DGKB: variants seen among roughly 807,000 people sequenced by gnomAD.
DGKB encodes the protein diacylglycerol kinase beta, also known as 90 kDa diacylglycerol kinase.
A neutral mutation model predicts 114.3 loss-of-function variants in DGKB; 67 were observed. The observed-to-expected ratio is 0.59, with a 90% CI of 0.48 to 0.72. The LOEUF is 0.72. Ranked by LOEUF, DGKB falls within the 30% of genes least tolerant of loss-of-function variation. The probability of loss-of-function intolerance (pLI) is 0.00; values close to 1 mark genes in which losing one functional copy is unlikely to be tolerated. For missense variants in DGKB, 907 were observed against 975.2 expected, an observed-to-expected ratio of 0.93 and a Z score of 0.93; for synonymous variants, 398 against 323.1, an observed-to-expected ratio of 1.23 and a Z score of -2.49.
intron 23 of DGKB, among the ~76,000 whole-genome samples, chr7:14,284,769 C>G (rs1032059247): frequency 6.7e-6 from 1 of 150,224 alleles, no homozygotes; most frequent in Non-Finnish European, 1.5e-5. Context: ...GAACAAAAAA[C>G]CAAACACTGC....
intron 21 of DGKB, among the ~76,000 whole-genome samples, chr7:14,418,641 A>C (rs754693684): frequency 2.4e-4 from 37 of 151,828 alleles, no homozygotes; most frequent in Non-Finnish European, 3.1e-4. Flanking sequence ...CATAAATAAC[A>C]AACAATCTTG....
At chr7:14,274,979 G>T (rs201007068) in intron 23 of DGKB, among the ~76,000 whole-genome samples, 1 of 151,636 alleles carries the variant, frequency 6.6e-6, no homozygotes, top group South Asian at 2.1e-4. Context: ...GTGTGTTTGT[G>T]TGTGCGTGTT....
intron 21 of DGKB, among the ~76,000 whole-genome samples, chr7:14,404,762 A>T (rs186446560): frequency 6.6e-6 from 1 of 151,704 alleles, no homozygotes; most frequent in East Asian, 1.9e-4. Flanking sequence ...CTGGGCCTTC[A>T]CCACTGTGTC....
intron 1 of DGKB, among the ~76,000 whole-genome samples, chr7:14,854,986 CAA>C (rs1301589464): frequency 6.6e-6 from 1 of 152,014 alleles, no homozygotes. Context: ...CAAGAGAACC[CAA>C]GAGACACCCT....
chr7:14,298,151 G>A (rs10262912), intron 23 of DGKB, among the ~76,000 whole-genome samples: 122,739 of 152,142 alleles, frequency 0.81, 49,768 homozygotes, highest in South Asian at 0.92. Context: ...TATGGATTCA[G>A]TGTGATTCCC....
rs533418901 is a variant in DGKB, at chr7:14,437,447, G to C, written c.1835+40714C>G. Among the ~76,000 whole-genome samples, 4 of 152,116 alleles carry C rather than the reference G, an allele frequency of 2.6e-5. No individual in the cohort carries two copies. The South Asian group carries it at 8.3e-4, about 32-fold the overall frequency. On this transcript the variant is annotated intron_variant, in intron 21 of 25. Coordinates refer to ENST00000402815, the MANE Select transcript of DGKB (RefSeq NM_001350709.2). The stretch of plus-strand genomic sequence containing the variant: ...AAAAATAAAGTTAAACACAAATTGA[G>C]GAGCAGTACTGACTGTGCGGAAAAT...
At chr7:14,851,562 T>C (rs1322959904) in intron 1 of DGKB, among the ~76,000 whole-genome samples, 1 of 152,174 alleles carries the variant, frequency 6.6e-6, no homozygotes, top group Non-Finnish European at 1.5e-5. Context: ...TCATCTCACA[T>C]GGTCTTCAGG....
intron 21 of DGKB, among the ~76,000 whole-genome samples, chr7:14,393,120 G>A (rs1269775302): frequency 6.6e-6 from 1 of 151,532 alleles, no homozygotes; most frequent in Non-Finnish European, 1.5e-5. Context: ...CTCCCGCGTA[G>A]CTGGGACTAC....
chr7:14,365,899 T>C (rs1312824438), intron 21 of DGKB, among the ~76,000 whole-genome samples: 1 of 152,146 alleles, frequency 6.6e-6, no homozygotes, highest in Admixed American at 6.6e-5. Context: ...TAATTTTCTG[T>C]GGATCACAGA....
At chr7:14,646,343 T>C (rs191201348) in intron 13 of DGKB, among the ~76,000 whole-genome samples, 1 of 152,110 alleles carries the variant, frequency 6.6e-6, no homozygotes, top group African/African-American at 2.4e-5. Flanking sequence ...GAAAAGTAAA[T>C]AAACATATAT....
At position 14,175,818 on chromosome 7, in the gene DGKB, T is replaced by TG. The variant is rs200992109; in HGVS notation, c.2304+1020dup. 6.1e-3 allele frequency among the ~76,000 whole-genome samples: 934 copies of TG among 152,014 alleles called. 7 individuals carry two copies. The highest frequency in any genetic ancestry group is 0.021 in the African/African-American group (880 of 41,446). On this transcript the variant is annotated intron_variant, in intron 25 of 25. Transcript: ENST00000402815. ...ACCACCCTCCTTAGTGTCTTTTTTT[T>TG]GGGGGGGATGGAATTTCACTCTGTC... is the stretch of plus-strand genomic sequence containing the variant.
chr7:14,670,896 T>A (rs1818856181), intron 13 of DGKB, among the ~76,000 whole-genome samples: 1 of 152,202 alleles, frequency 6.6e-6, no homozygotes, highest in African/African-American at 2.4e-5. Context: ...TATAATACTG[T>A]TTGGCACATA....
chr7:14,705,732 G>A (rs1384837621), intron 6 of DGKB, among the ~76,000 whole-genome samples: 6 of 151,082 alleles, frequency 4.0e-5, no homozygotes, highest in Non-Finnish European at 8.8e-5. Context: ...ATAAGTGAAG[G>A]AGAAATAAAA....
chr7:14,458,330 T>A (rs1832595602), intron 21 of DGKB, among the ~76,000 whole-genome samples: 1 of 152,216 alleles, frequency 6.6e-6, no homozygotes, highest in African/African-American at 2.4e-5. Flanking sequence ...TTAAATAATT[T>A]AAATTTAAAT....
chr7:14,291,252 C>A (rs977633145), intron 23 of DGKB, among the ~76,000 whole-genome samples: 1 of 151,386 alleles, frequency 6.6e-6, no homozygotes, highest in Non-Finnish European at 1.5e-5. Flanking sequence ...CATGGTGCTA[C>A]CATTAAAGTA....
chr7:14,239,261 G>A (rs1357116459), intron 23 of DGKB, among the ~76,000 whole-genome samples: 2 of 151,432 alleles, frequency 1.3e-5, no homozygotes, highest in Non-Finnish European at 2.9e-5. Flanking sequence ...GGAACATCAT[G>A]TTTTTACAGC....
intron 23 of DGKB, among the ~76,000 whole-genome samples, chr7:14,238,593 C>CTT (rs10674080): frequency 0.68 from 102,511 of 151,586 alleles, 35,745 homozygotes; most frequent in African/African-American, 0.86. Context: ...AAAAATAAAA[C>CTT]AGCAATGATC....
chr7:14,170,156 AG>A (rs917499329), intron 25 of DGKB, among the ~76,000 whole-genome samples: 3 of 72,370 alleles, frequency 4.1e-5, no homozygotes, highest in Non-Finnish European at 7.4e-5. Context: ...AAAGAAAGAA[AG>A]AAAGAAAGAA....
At chr7:14,302,133 A>G (rs564852152) in intron 23 of DGKB, among the ~76,000 whole-genome samples, 1 of 152,130 alleles carries the variant, frequency 6.6e-6, no homozygotes, top group Non-Finnish European at 1.5e-5. Flanking sequence ...AAGAATAGAT[A>G]CTAAGTTATT....
Sources: allele counts gnomAD v4.1 joint callset (sites outside exome capture counted in the v4.1 genomes callset), GRCh38; gene constraint gnomAD v4.1.1; transcripts MANE v1.5; gene names NCBI Gene and HGNC (gene_info 2026-07-23, HGNC 2026-07-21).